The following FNDC3B variants were observed in gnomAD, a reference collection of about 807,000 sequenced individuals.
The protein encoded by FNDC3B is fibronectin type III domain-containing protein 3B.
Under a neutral mutation model 151.5 loss-of-function variants are expected in FNDC3B, and 12 were observed. The observed-to-expected ratio is 0.08, with a 90% confidence interval of 0.05 to 0.13. The LOEUF is 0.13. FNDC3B is among the 10% of genes least tolerant of loss of function. The pLI, the probability that FNDC3B is intolerant of heterozygous loss-of-function variation, is 1.00. For missense variants in FNDC3B, 1,214 were observed against 1,505.3 expected (o/e 0.81, Z 3.20); for synonymous variants, 528 against 549.0 (o/e 0.96, Z 0.54).
At chr3:172,186,348 G>A (rs1182679450) in intron 3 of FNDC3B, among the ~76,000 whole-genome samples, 1 of 152,114 alleles carries the variant, frequency 6.6e-6, no homozygotes, top group African/African-American at 2.4e-5. Context: ...CCCAATTTGG[G>A]GTTTGAGCAT....
chr3:172,125,521 CCTG>C (rs1484869183), intron 2 of FNDC3B, among the ~76,000 whole-genome samples: 1 of 152,060 alleles, frequency 6.6e-6, no homozygotes, highest in Non-Finnish European at 1.5e-5. Context: ...GGAGTCTCAC[CCTG>C]GAGTTAGGAG....
chr3:172,058,000 A>C (rs777573607), intron 1 of FNDC3B, among the ~76,000 whole-genome samples: 2 of 151,950 alleles, frequency 1.3e-5, no homozygotes, highest in African/African-American at 4.8e-5. Context: ...CTGAATCTCT[A>C]TTATTGAGAC....
chr3:172,310,774 A>G (rs761556416), intron 10 of FNDC3B, 54 bp from the exon 11 acceptor site: 42 of 1,346,650 alleles, frequency 3.1e-5, no homozygotes, highest in Middle Eastern at 1.8e-4. Flanking sequence ...TGGGTAACTC[A>G]TAAGTTTTGT....
intron 3 of FNDC3B, among the ~76,000 whole-genome samples, chr3:172,138,150 C>T (rs931001602): frequency 6.6e-6 from 1 of 152,218 alleles, no homozygotes; most frequent in African/African-American, 2.4e-5. Flanking sequence ...CTTCCAAGAG[C>T]TCTCTCAGAC....
intron 3 of FNDC3B, among the ~76,000 whole-genome samples, chr3:172,226,351 T>C (rs960483511): frequency 4.0e-5 from 6 of 151,662 alleles, no homozygotes; most frequent in Non-Finnish European, 8.8e-5. Flanking sequence ...CCTTATTCAG[T>C]TGGTTTGGAA....
At chr3:172,375,953 G>A (rs150529902) in intron 23 of FNDC3B, among the ~76,000 whole-genome samples, 2 of 152,302 alleles carry the variant, frequency 1.3e-5, no homozygotes, top group East Asian at 1.9e-4. Flanking sequence ...ATCCTCTGCA[G>A]TCATGTCTCC....
In FNDC3B at chr3:172,399,432, T is replaced by C. The variant is rs754074715; in HGVS notation, c.*1957T>C. 6.6e-6 allele frequency: 1 copy of C among 152,630 alleles called. No homozygotes were observed. The highest frequency in any genetic ancestry group is 1.5e-5 in the Non-Finnish European group (1 of 68,030). 9.5% of individuals were successfully genotyped at this position (152,630 alleles called of 1,614,324 possible). A position where few individuals can be genotyped will look rare whatever the true frequency, so the allele number is the denominator to read the frequency against. On this transcript the variant is annotated 3_prime_UTR_variant, in exon 26 of 26. Coordinates refer to ENST00000415807, the MANE Select transcript of FNDC3B (RefSeq NM_022763.4). ...ATTATCAGTGATTGAAACGTTTACATGTACCCAAAAACCATAATCATCTCT... is the reference window on the plus strand; with the variant it reads ...ATTATCAGTGATTGAAACGTTTACACGTACCCAAAAACCATAATCATCTCT...
intron 3 of FNDC3B, among the ~76,000 whole-genome samples, chr3:172,181,395 C>CAAAAAAAAAAAAAAA (rs755223783): frequency 1.4e-4 from 10 of 71,514 alleles, no homozygotes; most frequent in Admixed American, 6.3e-4. Context: ...ACTCTGTCTC[C>CAAAAAAAAAAAAAAA]AAAAAAAAAA....
At chr3:172,053,927 AT>A (rs1716793964) in intron 1 of FNDC3B, among the ~76,000 whole-genome samples, 2 of 152,336 alleles carry the variant, frequency 1.3e-5, no homozygotes, top group African/African-American at 4.8e-5. Flanking sequence ...AAAGTAATGT[AT>A]AAGAAGCACA....
intron 6 of FNDC3B, among the ~76,000 whole-genome samples, chr3:172,278,953 C>G (rs1576866392): frequency 6.6e-6 from 1 of 151,978 alleles, no homozygotes; most frequent in Admixed American, 6.6e-5. Flanking sequence ...AAAAAAAACA[C>G]TAGCAGCTTT....
intron 1 of FNDC3B, among the ~76,000 whole-genome samples, chr3:172,057,148 C>T (rs1471769497): frequency 1.3e-5 from 2 of 152,152 alleles, no homozygotes; most frequent in African/African-American, 4.8e-5. Context: ...GAGTCACTCC[C>T]TCCCATTCCT....
chr3:172,307,593 T>C (rs1731261838), intron 10 of FNDC3B, 92 bp downstream of exon 10: 26 of 1,299,666 alleles, frequency 2.0e-5, no homozygotes, highest in Non-Finnish European at 2.8e-5. Flanking sequence ...CCTGGGAGGC[T>C]GAGGAGGGGG....
intron 4 of FNDC3B, among the ~76,000 whole-genome samples, chr3:172,244,144 C>G (rs1228187388): frequency 6.6e-6 from 1 of 152,028 alleles, no homozygotes; most frequent in Non-Finnish European, 1.5e-5. Flanking sequence ...ATTTTTTCTC[C>G]CCTTTGAATA....
At chr3:172,377,661 G>T (rs528202841) in intron 23 of FNDC3B, among the ~76,000 whole-genome samples, 2 of 152,234 alleles carry the variant, frequency 1.3e-5, no homozygotes, top group South Asian at 4.1e-4. Flanking sequence ...GTTTGTCTGT[G>T]ATTTTGATGA....
chr3:172,156,221 T>C (rs1559992580), intron 3 of FNDC3B, among the ~76,000 whole-genome samples: 1 of 152,232 alleles, frequency 6.6e-6, no homozygotes, highest in Non-Finnish European at 1.5e-5. Context: ...TTTTTATTAA[T>C]CTCATGTGTT....
At chr3:172,388,215 T>A (rs1231454994) in intron 25 of FNDC3B, among the ~76,000 whole-genome samples, 1 of 152,182 alleles carries the variant, frequency 6.6e-6, no homozygotes, top group East Asian at 1.9e-4. Flanking sequence ...GTATGCACTG[T>A]TCTCGCCACC....
intron 10 of FNDC3B, among the ~76,000 whole-genome samples, chr3:172,310,360 G>T (rs1015699140): frequency 6.6e-6 from 1 of 152,068 alleles, no homozygotes; most frequent in Admixed American, 6.5e-5. Context: ...CCTTAATGTC[G>T]CTGATGGCTT....
chr3:172,318,452 G>A (rs1351696698), intron 11 of FNDC3B, among the ~76,000 whole-genome samples: 2 of 152,328 alleles, frequency 1.3e-5, no homozygotes, highest in South Asian at 2.1e-4. Context: ...TCAGACTCCT[G>A]CTTAGCTCAA....
chr3:172,115,227 T>G (rs1189870757), intron 2 of FNDC3B, among the ~76,000 whole-genome samples: 2 of 152,264 alleles, frequency 1.3e-5, no homozygotes, highest in East Asian at 3.9e-4. Context: ...AGCATTGGCC[T>G]AGGTGTGCGT....
Sources: allele counts gnomAD v4.1 joint callset (sites outside exome capture counted in the v4.1 genomes callset), GRCh38; gene constraint gnomAD v4.1.1; transcripts MANE v1.5; gene names NCBI Gene and HGNC (gene_info 2026-07-23, HGNC 2026-07-21).